BRD10: variants seen among roughly 807,000 people sequenced by gnomAD.
BRD10 encodes uncharacterized bromodomain-containing protein 10.
the BRD10 span, among the ~76,000 whole-genome samples, chr9:5,886,358 T>G: frequency 6.6e-6 from 1 of 152,216 alleles, no homozygotes; most frequent in African/African-American, 2.4e-5. Flanking sequence ...GGGGCTGGTG[T>G]GGGGGCTGAG....
At chr9:5,966,039 G>C in the BRD10 span, among the ~76,000 whole-genome samples, 1 of 152,138 alleles carries the variant, frequency 6.6e-6, no homozygotes, top group African/African-American at 2.4e-5. Flanking sequence ...AGACAAAACT[G>C]CATCTACCAG....
chr9:5,951,056 AC>A, the BRD10 span, among the ~76,000 whole-genome samples: 1 of 150,734 alleles, frequency 6.6e-6, no homozygotes, highest in Admixed American at 6.6e-5. Context: ...ACACACACAC[AC>A]ACACACACAC....
chr9:5,917,495 A>C, the BRD10 span, among the ~76,000 whole-genome samples: 1 of 152,230 alleles, frequency 6.6e-6, no homozygotes, highest in Admixed American at 6.5e-5. Flanking sequence ...ACCAGATCAC[A>C]CAGAGCTATG....
chr9:5,902,824 T>G, the BRD10 span, among the ~76,000 whole-genome samples: 1 of 152,162 alleles, frequency 6.6e-6, no homozygotes, highest in East Asian at 1.9e-4. Context: ...TGTTTTCAAT[T>G]TCATTGATTT....
chr9:6,007,115 T>TGGCCC, the BRD10 span: 1 of 1,442,470 alleles, frequency 6.9e-7, no homozygotes, highest in Non-Finnish European at 9.5e-7. Context: ...CCCAGGCCCC[T>TGGCCC]GGCCCAGCCC....
the BRD10 span, among the ~76,000 whole-genome samples, chr9:5,995,264 A>G: frequency 2.0e-5 from 3 of 152,158 alleles, no homozygotes; most frequent in Non-Finnish European, 2.9e-5. Flanking sequence ...CCCATAACTT[A>G]TTTCAGAGAA....
At chr9:5,926,685 C>G in the BRD10 span, among the ~76,000 whole-genome samples, 1 of 152,036 alleles carries the variant, frequency 6.6e-6, no homozygotes, top group Non-Finnish European at 1.5e-5. Context: ...GTGCCCGCCA[C>G]CACACCCGGC....
the BRD10 span, among the ~76,000 whole-genome samples, chr9:5,905,886 G>A: frequency 6.6e-6 from 1 of 152,102 alleles, no homozygotes; most frequent in Non-Finnish European, 1.5e-5. Context: ...ATTCATATCG[G>A]CACAGAATAA....
At chr9:5,885,320 T>C in the BRD10 span, among the ~76,000 whole-genome samples, 2 of 152,070 alleles carry the variant, frequency 1.3e-5, no homozygotes, top group African/African-American at 2.4e-5. Flanking sequence ...GCAGAAGCAC[T>C]AGCCTTTCTC....
the BRD10 span, chr9:5,968,122 C>T: frequency 1.3e-6 from 2 of 1,576,156 alleles, no homozygotes; most frequent in Non-Finnish European, 1.7e-6. Flanking sequence ...GACCTTCACG[C>T]TTTCTCTGTA....
chr9:5,952,027 A>ATTTATTTAT, the BRD10 span, among the ~76,000 whole-genome samples: 2 of 99,256 alleles, frequency 2.0e-5, no homozygotes, highest in Non-Finnish European at 4.6e-5. Context: ...TTATTTATTT[A>ATTTATTTAT]TTTATTTATT....
At chr9:5,982,420 C>T in the BRD10 span, among the ~76,000 whole-genome samples, 1 of 152,122 alleles carries the variant, frequency 6.6e-6, no homozygotes, top group African/African-American at 2.4e-5. Context: ...CACAATGTGG[C>T]AGTATTGAGA....
the BRD10 span, among the ~76,000 whole-genome samples, chr9:6,006,738 A>T: frequency 1.3e-5 from 2 of 152,240 alleles, no homozygotes; most frequent in Non-Finnish European, 2.9e-5. Context: ...ATGGGTAGTA[A>T]ATGATAAAAT....
the BRD10 span, chr9:5,921,040 C>G: frequency 3.3e-4 from 532 of 1,613,930 alleles, 1 homozygote; most frequent in Admixed American, 2.0e-3. Flanking sequence ...TAACTGAAAG[C>G]ACATTTACTG....
At chr9:5,880,991 C>T in the BRD10 span, among the ~76,000 whole-genome samples, 1 of 152,188 alleles carries the variant, frequency 6.6e-6, no homozygotes, top group Non-Finnish European at 1.5e-5. Context: ...GCATGAGCCA[C>T]CACGCTCGGC....
At chr9:5,953,500 A>C in the BRD10 span, among the ~76,000 whole-genome samples, 3 of 152,078 alleles carry the variant, frequency 2.0e-5, no homozygotes, top group African/African-American at 7.2e-5. Context: ...ACCTTTACTT[A>C]ATATTCTCTC....
chr9:5,965,624 A>G, the BRD10 span, among the ~76,000 whole-genome samples: 1 of 152,258 alleles, frequency 6.6e-6, no homozygotes, highest in Admixed American at 6.5e-5. Context: ...TAAACATTAT[A>G]TACACCATAA....
the BRD10 span, among the ~76,000 whole-genome samples, chr9:5,955,767 C>T: frequency 6.6e-6 from 1 of 152,148 alleles, no homozygotes; most frequent in African/African-American, 2.4e-5. Flanking sequence ...TTGTTATTTA[C>T]TTCTGTGCTT....
chr9:5,986,555 C>T, the BRD10 span, among the ~76,000 whole-genome samples: 8 of 152,324 alleles, frequency 5.3e-5, no homozygotes, highest in East Asian at 1.2e-3. Context: ...TCTTCCACAA[C>T]GGCTGAACTA....
Sources: allele counts gnomAD v4.1 joint callset (sites outside exome capture counted in the v4.1 genomes callset), GRCh38; gene constraint gnomAD v4.1.1; transcripts MANE v1.5; gene names NCBI Gene and HGNC (gene_info 2026-07-23, HGNC 2026-07-21).